Variants in GK5 observed in about 807,000 individuals in gnomAD.
GK5 encodes glycerol kinase 5.
Under a neutral mutation model 77.3 loss-of-function variants are expected in GK5, and 39 were observed. The ratio of observed to expected loss-of-function variants is 0.50; its 90% CI spans 0.39 to 0.66. The LOEUF (loss-of-function observed/expected upper bound fraction) is 0.66, where lower values mean the gene tolerates loss of function less well. GK5 is among the 30% of genes least tolerant of loss of function. The pLI is 0.00. For synonymous variants in GK5, 211 were observed against 208.0 expected, an observed-to-expected ratio of 1.01 and a Z score of -0.13; for missense variants, 487 against 633.8, an observed-to-expected ratio of 0.77 and a Z score of 2.49.
rs2063430722 is a variant in GK5, at chr3:142,162,181, A to G, written c.*3441T>C. 6.6e-6 allele frequency: 1 copy of G among 152,176 alleles called. No homozygotes were observed. Among genetic ancestry groups the G allele is most frequent in the Non-Finnish European group, 1.5e-5 (1 of 68,036 alleles). The allele number at this position is 152,176 out of a possible 1,614,324, so 9.4% of individuals were successfully genotyped here. A position where few individuals can be genotyped will look rare whatever the true frequency, so the allele number is the denominator to read the frequency against. On this transcript the variant is annotated 3_prime_UTR_variant, in exon 16 of 16. Coordinates refer to ENST00000392993, the MANE Select transcript of GK5 (RefSeq NM_001039547.3). ...ACGATTAACTAATTTTTTTGCTAACAACCATTTCCTAAGGTAAAATGAGGC... is the reference window on the plus strand; with the variant it reads ...ACGATTAACTAATTTTTTTGCTAACGACCATTTCCTAAGGTAAAATGAGGC...
intron 10 of GK5, among the ~76,000 whole-genome samples, chr3:142,182,715 A>G (rs762795827): frequency 1.3e-5 from 2 of 152,124 alleles, no homozygotes; most frequent in Non-Finnish European, 2.9e-5. Context: ...CTGACCATAT[A>G]TCCTGAATTT....
At chr3:142,210,410 G>C (rs1268810203) in intron 3 of GK5, among the ~76,000 whole-genome samples, 2 of 152,154 alleles carry the variant, frequency 1.3e-5, no homozygotes, top group African/African-American at 4.8e-5. Context: ...GCCCATCTGT[G>C]TTGTGTCCCG....
In GK5 at chr3:142,225,509, A is replaced by T; in HGVS notation, c.-54T>A. The T allele has an allele frequency of 1.3e-6, 2 of 1,571,750 alleles. No individual in the cohort carries two copies. The highest frequency in any genetic ancestry group is 1.7e-6 in the Non-Finnish European group (2 of 1,166,908). On this transcript the variant is annotated 5_prime_UTR_variant, in exon 1 of 16. It adds an upstream start codon to the 5' untranslated region. Transcript: ENST00000392993. ...CCGCCTACCCAGAGGGCGCGCTACAAATCCCAATGCTCCAGAGTCCCCGGG... is the reference window on the plus strand; with the variant it reads ...CCGCCTACCCAGAGGGCGCGCTACATATCCCAATGCTCCAGAGTCCCCGGG...
At position 142,165,453 on chromosome 3, in the gene GK5, A is replaced by T; in HGVS notation, c.*169T>A. The stretch of plus-strand genomic sequence containing the variant: ...TTACCATGGTTTAGGGGAAAAAAAT[A>T]AGAGTTTTTTGTTCCGTTTTGTTTT... On this transcript the variant is annotated 3_prime_UTR_variant, in exon 16 of 16. Coordinates refer to ENST00000392993, the MANE Select transcript of GK5 (RefSeq NM_001039547.3). 2.1e-6 allele frequency: 1 copy of T among 476,900 alleles called. No homozygotes were observed. Among genetic ancestry groups the T allele is most frequent in the Non-Finnish European group, 3.6e-6 (1 of 277,444 alleles). The allele number at this position is 476,900 out of a possible 1,614,324, so 29.5% of individuals were successfully genotyped here. A position where few individuals can be genotyped will look rare whatever the true frequency, so the allele number is the denominator to read the frequency against.
intron 1 of GK5, among the ~76,000 whole-genome samples, chr3:142,224,749 A>G (rs2064403599): frequency 6.6e-6 from 1 of 152,314 alleles, no homozygotes; most frequent in South Asian, 2.1e-4. Flanking sequence ...GTGGAGTAGT[A>G]GTTAATAAAG....
At chr3:142,182,837 TGGGAAAATAG>T in intron 10 of GK5, 76 bp downstream of exon 10, 1 of 869,420 alleles carries the variant, frequency 1.2e-6, no homozygotes, top group Non-Finnish European at 1.8e-6. Flanking sequence ...TATCACAAAA[TGGGAAAATAG>T]TATAAGTATC....
intron 11 of GK5, among the ~76,000 whole-genome samples, chr3:142,180,260 A>G (rs2063676061): frequency 6.6e-6 from 1 of 151,912 alleles, no homozygotes; most frequent in Non-Finnish European, 1.5e-5. Context: ...CAAAACTCAA[A>G]GATGAGACGT....
chr3:142,212,822 A>ATGTTTTCTTTTT (rs1293138900), intron 3 of GK5, among the ~76,000 whole-genome samples: 2,754 of 58,920 alleles, frequency 0.047, 70 homozygotes, highest in African/African-American at 0.19. Context: ...CTATAGACAA[A>ATGTTTTCTTTTT]TATTTTCTTT....
chr3:142,159,849 C>CTTTTTTTTTTTTTTTTTTTTTT lies in GK5; in HGVS notation c.*5772_*5773insAAAAAAAAAAAAAAAAAAAAAA, dbSNP rs1399191009. On this transcript the variant is annotated 3_prime_UTR_variant, in exon 16 of 16. Coordinates refer to ENST00000392993, the MANE Select transcript of GK5 (RefSeq NM_001039547.3). ...GGGCTTTCTCTCTCTCTCTCTCTCT[C>CTTTTTTTTTTTTTTTTTTTTTT]TCTCTTTTTTTTTTTTGAGACAGAG... The CTTTTTTTTTTTTTTTTTTTTTT allele has an allele frequency of 9.5e-5, 10 of 104,824 alleles. No homozygotes were observed. The highest frequency in any genetic ancestry group is 3.7e-4 in the African/African-American group (9 of 24,628). The allele number at this position is 104,824 out of a possible 1,614,324, so 6.5% of individuals were successfully genotyped here.
chr3:142,202,794 T>C (rs2064046728), intron 4 of GK5, among the ~76,000 whole-genome samples: 1 of 152,132 alleles, frequency 6.6e-6, no homozygotes, highest in South Asian at 2.1e-4. Flanking sequence ...CTGTCTCTAC[T>C]AAAAACACAA....
chr3:142,193,771 C>T (rs549137974), intron 5 of GK5, among the ~76,000 whole-genome samples: 3 of 152,244 alleles, frequency 2.0e-5, no homozygotes, highest in South Asian at 4.2e-4. Context: ...GACAGCATCT[C>T]GCTCTGTTGC....
rs1459034201 is a variant in GK5 at position 142,162,664 on chromosome 3, C to T, written c.*2958G>A. ...GAGAAGTAGCACAAATTTTTCTAAACTTCAAATATTAGCATACAAATGAAA... is the reference window on the plus strand; with the variant it reads ...GAGAAGTAGCACAAATTTTTCTAAATTTCAAATATTAGCATACAAATGAAA... On this transcript the variant is annotated 3_prime_UTR_variant, in exon 16 of 16. Coordinates refer to ENST00000392993, the MANE Select transcript of GK5 (RefSeq NM_001039547.3). The T allele has an allele frequency of 6.6e-6, 1 of 152,044 alleles. No homozygotes were observed. The highest frequency in any genetic ancestry group is 1.5e-5 in the Non-Finnish European group (1 of 68,014). 9.4% of individuals were successfully genotyped at this position (152,044 alleles called of 1,614,324 possible).
At chr3:142,193,615 T>C (rs2063886751) in intron 5 of GK5, among the ~76,000 whole-genome samples, 1 of 152,196 alleles carries the variant, frequency 6.6e-6, no homozygotes, top group Admixed American at 6.5e-5. Context: ...TGTCTTTCCA[T>C]TTATTTAGGC....
intron 1 of GK5, among the ~76,000 whole-genome samples, chr3:142,219,422 A>T (rs1218861132): frequency 6.6e-6 from 1 of 152,214 alleles, no homozygotes; most frequent in Non-Finnish European, 1.5e-5. Flanking sequence ...GATATACATA[A>T]CAATATGGAC....
intron 4 of GK5, chr3:142,204,114 G>A: frequency 6.1e-6 from 1 of 163,858 alleles, no homozygotes; most frequent in Non-Finnish European, 1.3e-5. Context: ...GAACTCCTGG[G>A]CTCAAACAAT....
Position 142,183,985 on chromosome 3 carries a change from G to A in GK5, c.817-936C>T, listed in dbSNP as rs182720428. 3.5e-3 allele frequency among the ~76,000 whole-genome samples: 538 copies of A among 151,890 alleles called. 2 individuals carry two copies. The highest frequency in any genetic ancestry group is 0.013 in the African/African-American group (522 of 41,428). ...TAGAAATGAAGGTAAGAGGCCAGGCGCGGTGACTCACGCCTGTAATCCCAA... is the reference window on the plus strand; with the variant it reads ...TAGAAATGAAGGTAAGAGGCCAGGCACGGTGACTCACGCCTGTAATCCCAA... On this transcript the variant is annotated intron_variant, in intron 9 of 15. Transcript: ENST00000392993.
chr3:142,187,658 G>T, intron 6 of GK5, 46 bp downstream of exon 6: 11 of 1,269,746 alleles, frequency 8.7e-6, no homozygotes, highest in Non-Finnish European at 1.1e-5. Context: ...CATTTCTCTT[G>T]ATCAAATTTC....
intron 2 of GK5, among the ~76,000 whole-genome samples, chr3:142,215,063 C>CCTTCT (rs1292548000): frequency 2.6e-5 from 4 of 152,090 alleles, no homozygotes; most frequent in Non-Finnish European, 4.4e-5. Context: ...GTAATCTTTG[C>CCTTCT]CATGTTCTCA....
In GK5 at chr3:142,198,837, A is replaced by G. The variant is rs1262295904; in HGVS notation, c.508T>C (p.Leu170=). 2 of 1,612,498 alleles carry G rather than the reference A, an allele frequency of 1.2e-6. No homozygotes were observed. The highest frequency in any genetic ancestry group is 1.3e-5 in the African/African-American group (1 of 74,890). Residue 170 remains leucine (L), a synonymous_variant, in exon 5 of 16, where the codon TTG becomes CTG. Coordinates refer to ENST00000392993, the MANE Select transcript of GK5 (RefSeq NM_001039547.3). ...TTCTGTAAAATCCAGACCAATCTCA[A>G]AGAAGTCTGCTGGGTTGTGAAAGTG... ...LFTFTTQQTS[L]RLVWILQNLT... is the part of the protein sequence containing the mutation.
Sources: gnomAD v4.1 joint callset for allele counts (sites outside exome capture counted in the v4.1 genomes callset) on GRCh38, gnomAD v4.1.1 for gene constraint, MANE v1.5 for transcripts, NCBI Gene and HGNC (gene_info 2026-07-23, HGNC 2026-07-21) for gene names.